Variants in GCAT observed in about 807,000 individuals in gnomAD.
GCAT encodes 2-amino-3-ketobutyrate coenzyme A ligase, mitochondrial.
Under a neutral mutation model 39.7 loss-of-function variants are expected in GCAT, and 26 were observed. That is an observed-to-expected ratio of 0.65 (90% CI 0.48 to 0.91). GCAT has a LOEUF of 0.91. Ranked by LOEUF, GCAT falls within the 40% of genes least tolerant of loss-of-function variation. The pLI is 0.00. For synonymous variants in GCAT, 218 were observed against 237.2 expected (o/e 0.92, Z 0.74); for missense variants, 550 against 576.2 (o/e 0.95, Z 0.47).
At chr22:37,814,619 C>T (rs1921958935) in intron 4 of GCAT, among the ~76,000 whole-genome samples, 1 of 152,154 alleles carries the variant, frequency 6.6e-6, no homozygotes, top group South Asian at 2.1e-4. Flanking sequence ...GTCTTGAACT[C>T]CTGGGCTCCC....
intron 4 of GCAT, among the ~76,000 whole-genome samples, chr22:37,814,463 A>G (rs1214907065): frequency 6.6e-6 from 1 of 152,032 alleles, no homozygotes; most frequent in Admixed American, 6.6e-5. Flanking sequence ...GGGTTTAGCC[A>G]TGTTGGCCAG....
Position 37,815,713 on chromosome 22 carries a change from G to C in GCAT, c.865G>C (p.Ala289Pro), listed in dbSNP as rs374598324. The C allele has an allele frequency of 1.2e-6, 2 of 1,613,368 alleles. No individual in the cohort carries two copies. Among genetic ancestry groups the C allele is most frequent in the African/African-American group, 2.7e-5 (2 of 74,888 alleles). Residue 289 changes from alanine to proline, a missense_variant, in exon 7 of 9, where the codon GCC (alanine) becomes CCC (proline). Physicochemically the swap from Ala to Pro is conservative, Grantham distance 27 (BLOSUM62 -1). Transcript: ENST00000248924. ...CCTGGTGTCCCTGCTGCGGCAGCGC[G>C]CCCGGCCATACCTCTTCTCCAACAG... Reference protein sequence around the residue: ...GPLVSLLRQRARPYLFSNSLP... With the variant: ...GPLVSLLRQRPRPYLFSNSLP...
chr22:37,815,729 TCTC>T lies in GCAT; in HGVS notation c.883_885del (p.Ser295del). ...CGGCAGCGCGCCCGGCCATACCTCT[TCTC>T]CAACAGTCTGCCACCTGCTGTCGTT... On this transcript the variant is annotated inframe_deletion, in exon 7 of 9. Transcript: ENST00000248924. 3 of 1,613,746 alleles carry T rather than the reference TCTC, an allele frequency of 1.9e-6. No individual in the cohort carries two copies. Among genetic ancestry groups the T allele is most frequent in the Non-Finnish European group, 1.7e-6 (2 of 1,179,926 alleles).
Position 37,812,870 on chromosome 22 carries a change from T to C in GCAT, c.328-17T>C, listed in dbSNP as rs775541491. The stretch of plus-strand genomic sequence containing the variant: ...GACCCCACAGGCATCAACACGTGTC[T>C]CACTCATTTTCTTCAGAGCATCCAC... On this transcript the variant is annotated splice_polypyrimidine_tract_variant and intron_variant, in intron 2 of 8. Transcript: ENST00000248924. The C allele has an allele frequency of 9.6e-6, 15 of 1,560,856 alleles. No homozygotes were observed. In the South Asian group the frequency reaches 1.6e-4, roughly 16 times the overall value.
At chr22:37,810,512 A>ATT (rs36110853) in intron 2 of GCAT, among the ~76,000 whole-genome samples, 1,305 of 102,982 alleles carry the variant, frequency 0.013, 16 homozygotes, top group Middle Eastern at 0.014. Context: ...CACCCAGCTA[A>ATT]TTTTTTTTTT....
At chr22:37,816,971 G>C (rs981220650), downstream of GCAT, 1 of 469,088 alleles carries the variant, frequency 2.1e-6, no homozygotes, top group African/African-American at 1.9e-5. Flanking sequence ...AGGAGCCAGG[G>C]CTCTGAGGGG....
In GCAT at chr22:37,815,113, G is replaced by A. The variant is rs921016016; in HGVS notation, c.577-13G>A. On this transcript the variant is annotated splice_polypyrimidine_tract_variant and intron_variant, in intron 4 of 8. Coordinates refer to ENST00000248924, the MANE Select transcript of GCAT (RefSeq NM_014291.4). ...TTGACACCACCCACCATCTGCTCAT[G>A]TCTTTCCTGCAGAAGCATCGGCTGC... The A allele has an allele frequency of 6.2e-6, 10 of 1,613,034 alleles. No individual in the cohort carries two copies. Among genetic ancestry groups the A allele is most frequent in the Non-Finnish European group, 8.5e-6 (10 of 1,179,794 alleles).
chr22:37,809,452 CAGT>C (rs773262889), intron 1 of GCAT, among the ~76,000 whole-genome samples: 5 of 152,142 alleles, frequency 3.3e-5, no homozygotes, highest in Admixed American at 6.6e-5. Context: ...GATAAGGAGT[CAGT>C]GGTGGTCTTC....
At chr22:37,809,873 CCTT>C in intron 1 of GCAT, 151 bp from the exon 2 acceptor site, 2 of 926,276 alleles carry the variant, frequency 2.2e-6, no homozygotes, top group East Asian at 2.6e-5. Context: ...CACTGACGCT[CCTT>C]CTGTAGCTGT....
At position 37,816,845 on chromosome 22, in the gene GCAT, C is replaced by T. The variant is rs1922261821; in HGVS notation, c.*127C>T. 1 of 890,268 alleles carries T rather than the reference C, an allele frequency of 1.1e-6. No homozygotes were observed. The highest frequency in any genetic ancestry group is 1.7e-6 in the Non-Finnish European group (1 of 573,830). The allele number at this position is 890,268 out of a possible 1,614,324, so 55.1% of individuals were successfully genotyped here. A position where few individuals can be genotyped will look rare whatever the true frequency, so the allele number is the denominator to read the frequency against. On this transcript the variant is annotated 3_prime_UTR_variant, in exon 9 of 9. Transcript: ENST00000248924. ...GTCCCAGAGCTGGGCTGGGACGTGA[C>T]CTGTGCTGAGGGCTGTGAGAATGTG...
intron 3 of GCAT, chr22:37,813,221 C>A: frequency 1.5e-6 from 1 of 658,208 alleles, no homozygotes; most frequent in South Asian, 1.8e-5. Flanking sequence ...AGCTGGAAGG[C>A]TGGGGGAGGC....
At chr22:37,812,750 T>C (rs1197927119) in intron 2 of GCAT, 137 bp from the exon 3 acceptor site, 1 of 661,586 alleles carries the variant, frequency 1.5e-6, no homozygotes, top group Non-Finnish European at 2.7e-6. Flanking sequence ...GGATAGCCCA[T>C]GTGTGGCAGA....
chr22:37,810,512 ATTTTTTTT>A (rs36110853), intron 2 of GCAT, among the ~76,000 whole-genome samples: 1 of 103,076 alleles, frequency 9.7e-6, no homozygotes, highest in African/African-American at 4.0e-5. Context: ...CACCCAGCTA[ATTTTTTTT>A]TTTTTTTTTT....
chr22:37,813,945 T>C (rs756379642), intron 4 of GCAT, among the ~76,000 whole-genome samples: 6 of 151,946 alleles, frequency 3.9e-5, no homozygotes, highest in Non-Finnish European at 8.8e-5. Context: ...TTTGTATTTT[T>C]AGTAAAGACG....
chr22:37,813,475 C>T lies in GCAT; in HGVS notation c.442C>T (p.Pro148Ser). 6.2e-7 allele frequency: 1 copy of T among 1,602,184 alleles called. No individual in the cohort carries two copies. Among genetic ancestry groups the T allele is most frequent in the Non-Finnish European group, 8.5e-7 (1 of 1,174,684 alleles). ...TGCCTCCCTCCAGGCCCTGCTGACC[C>T]CAGAGGACGCAGTCCTGTCGGACGA... ...NAGLFEALLT[P>S]EDAVLSDELN... The change falls in exon 4 of 9, where the codon CCA becomes TCA. Residue 148 changes from proline (P) to serine (S), a missense_variant. Pro to Ser is a moderately conservative substitution (Grantham distance 74, BLOSUM62 -1). Coordinates refer to ENST00000248924, the MANE Select transcript of GCAT (RefSeq NM_014291.4).
intron 1 of GCAT, among the ~76,000 whole-genome samples, chr22:37,809,207 ACC>A (rs1323662455): frequency 6.6e-6 from 1 of 152,150 alleles, no homozygotes; most frequent in African/African-American, 2.4e-5. Context: ...AAATTAGGAG[ACC>A]CAAGTTCTCA....
At chr22:37,811,785 G>A (rs1349728507) in intron 2 of GCAT, among the ~76,000 whole-genome samples, 3 of 149,988 alleles carry the variant, frequency 2.0e-5, no homozygotes, top group Non-Finnish European at 4.4e-5. Context: ...TTAGCTGGCC[G>A]GGCTCGCTTG....
chr22:37,815,112 T>C lies in GCAT; in HGVS notation c.577-14T>C, dbSNP rs772532175. 2 of 1,613,074 alleles carry C rather than the reference T, an allele frequency of 1.2e-6. No individual in the cohort carries two copies. Among genetic ancestry groups the C allele is most frequent in the Non-Finnish European group, 1.7e-6 (2 of 1,179,748 alleles). ...CTTGACACCACCCACCATCTGCTCA[T>C]GTCTTTCCTGCAGAAGCATCGGCTG... On this transcript the variant is annotated splice_polypyrimidine_tract_variant and intron_variant, in intron 4 of 8. Transcript: ENST00000248924.
At chr22:37,813,232 G>A (rs878929926) in intron 3 of GCAT, 10 of 664,990 alleles carry the variant, frequency 1.5e-5, no homozygotes, top group African/African-American at 3.6e-5. Flanking sequence ...TGGGGGAGGC[G>A]GGGGCCTGGT....
Sources: gnomAD v4.1 joint callset for allele counts (sites outside exome capture counted in the v4.1 genomes callset) on GRCh38, gnomAD v4.1.1 for gene constraint, MANE v1.5 for transcripts, NCBI Gene and HGNC (gene_info 2026-07-23, HGNC 2026-07-21) for gene names.